SSH1: variants seen among roughly 807,000 people sequenced by gnomAD.
SSH1 encodes the protein protein phosphatase Slingshot homolog 1.
SSH1 carries 43 observed loss-of-function variants against 79.7 expected under a neutral mutation model. The observed-to-expected ratio is 0.54, with a 90% CI of 0.42 to 0.70. SSH1 has a LOEUF of 0.70. SSH1 is among the 30% of genes least tolerant of loss of function. The pLI, the probability that SSH1 is intolerant of heterozygous loss-of-function variation, is 0.00. For synonymous variants in SSH1, 599 were observed against 538.3 expected, an observed-to-expected ratio of 1.11 and a Z score of -1.56; for missense variants, 1,206 against 1,358.8, an observed-to-expected ratio of 0.89 and a Z score of 1.77.
chr12:108,820,187 A>C (rs145291748), intron 3 of SSH1, among the ~76,000 whole-genome samples: 1 of 152,242 alleles, frequency 6.6e-6, no homozygotes, highest in East Asian at 1.9e-4. Flanking sequence ...CCAATTAAGC[A>C]TTCTTTCCAC....
At position 108,857,526 on chromosome 12, in the gene SSH1, A is replaced by G; in HGVS notation, c.-30T>C. 1.8e-6 allele frequency: 2 copies of G among 1,111,324 alleles called. No homozygotes were observed. The highest frequency in any genetic ancestry group is 3.8e-5 in the South Asian group (2 of 52,652). 68.8% of individuals were successfully genotyped at this position (1,111,324 alleles called of 1,614,324 possible). ...GCGGCGCGGTGCGAGGGCGCCACAG[A>G]CGTCTCGAGCTAGAGCCGCCACCGC... On this transcript the variant is annotated 5_prime_UTR_variant, in exon 1 of 15. Transcript: ENST00000326495. The surrounding 1 kb of genome is among the most constrained non-coding windows in gnomAD (Gnocchi z 4.7).
chr12:108,794,706 C>A (rs2036666935), intron 13 of SSH1, among the ~76,000 whole-genome samples: 1 of 152,138 alleles, frequency 6.6e-6, no homozygotes, highest in Non-Finnish European at 1.5e-5. Context: ...ATTTTGATTC[C>A]TAAATAAGAT....
Position 108,789,002 on chromosome 12 carries a change from G to C in SSH1, c.2136C>G (p.Pro712=). The C allele has an allele frequency of 6.2e-7, 1 of 1,609,862 alleles. No homozygotes were observed. The highest frequency in any genetic ancestry group is 2.2e-5 in the East Asian group (1 of 44,732). Residue 712 remains proline (P), a synonymous_variant, in exon 15 of 15, where the codon CCC becomes CCG. Coordinates refer to ENST00000326495, the MANE Select transcript of SSH1 (RefSeq NM_018984.4). ...EKPASGPTEP[P]PFLPPAGSRR... ...TGGAGCCTGCTGGTGGTAGGAACGG[G>C]GGAGGTTCGGTTGGGCCAGAGGCTG...
chr12:108,827,469 G>A, intron 2 of SSH1: 2 of 1,297,758 alleles, frequency 1.5e-6, no homozygotes, highest in Non-Finnish European at 2.0e-6. Flanking sequence ...GGGCTGGGGA[G>A]CCAACTCCTC....
In SSH1 at chr12:108,785,492, A is replaced by C. The variant is rs778198328; in HGVS notation, c.*2496T>G. The stretch of plus-strand genomic sequence containing the variant: ...CAACTGATCTGGGTTTCCAAAAATA[A>C]ACCTTACCCTTTTCTCCAGGCCAGG... On this transcript the variant is annotated 3_prime_UTR_variant, in exon 15 of 15. Coordinates refer to ENST00000326495, the MANE Select transcript of SSH1 (RefSeq NM_018984.4). 6.6e-6 allele frequency: 1 copy of C among 152,176 alleles called. No individual in the cohort carries two copies. Among genetic ancestry groups the C allele is most frequent in the Non-Finnish European group, 1.5e-5 (1 of 68,052 alleles). 9.4% of individuals were successfully genotyped at this position (152,176 alleles called of 1,614,324 possible).
In SSH1 at chr12:108,786,915, T is replaced by G. The variant is rs1351631587; in HGVS notation, c.*1073A>C. The G allele has an allele frequency of 1.3e-5, 2 of 152,300 alleles. No homozygotes were observed. Among genetic ancestry groups the G allele is most frequent in the Non-Finnish European group, 2.9e-5 (2 of 68,116 alleles). The allele number at this position is 152,300 out of a possible 1,614,324, so 9.4% of individuals were successfully genotyped here. ...GACTACAGATCCCTCTTATACTCCC[T>G]CACTGCTGCTGGGAAGAGCTGGAGG... On this transcript the variant is annotated 3_prime_UTR_variant, in exon 15 of 15. Coordinates refer to ENST00000326495, the MANE Select transcript of SSH1 (RefSeq NM_018984.4).
intron 13 of SSH1, among the ~76,000 whole-genome samples, chr12:108,793,739 C>T (rs774589791): frequency 2.6e-5 from 4 of 152,080 alleles, no homozygotes; most frequent in African/African-American, 4.8e-5. Context: ...AAAAAGTTTA[C>T]GGTGAAATAA....
chr12:108,847,289 G>A (rs1039952024), intron 2 of SSH1, among the ~76,000 whole-genome samples: 1 of 152,186 alleles, frequency 6.6e-6, no homozygotes, highest in East Asian at 1.9e-4. Context: ...GACCCACAGA[G>A]CTGTAAGAAC....
At chr12:108,826,356 G>T in intron 2 of SSH1, 2 of 334,172 alleles carry the variant, frequency 6.0e-6, no homozygotes, top group Non-Finnish European at 1.2e-5. Flanking sequence ...TGGGGCCCTG[G>T]AACACTCTGC....
At chr12:108,824,179 T>A (rs2038228211) in intron 2 of SSH1, among the ~76,000 whole-genome samples, 2 of 152,178 alleles carry the variant, frequency 1.3e-5, no homozygotes, top group South Asian at 4.1e-4. Context: ...GCCGGGTGGC[T>A]CAAGCCTGTA....
At chr12:108,852,780 A>G in intron 1 of SSH1, 102 bp from the exon 2 acceptor site, 1 of 1,601,552 alleles carries the variant, frequency 6.2e-7, no homozygotes, top group Non-Finnish European at 8.5e-7. Context: ...AAAGATAAAG[A>G]TATCCAGGAA....
At chr12:108,808,925 C>T (rs2037430906) in intron 7 of SSH1, among the ~76,000 whole-genome samples, 1 of 147,196 alleles carries the variant, frequency 6.8e-6, no homozygotes, top group Admixed American at 6.9e-5. Flanking sequence ...CCTCCATGTC[C>T]TGGGTTCAAC....
At chr12:108,815,934 A>G (rs778015535) in intron 5 of SSH1, among the ~76,000 whole-genome samples, 3 of 152,202 alleles carry the variant, frequency 2.0e-5, no homozygotes, top group Non-Finnish European at 4.4e-5. Flanking sequence ...GACTTACAGA[A>G]GCTCTCATGG....
chr12:108,845,084 C>G (rs1486671897), intron 2 of SSH1, among the ~76,000 whole-genome samples: 2 of 150,818 alleles, frequency 1.3e-5, no homozygotes, highest in Non-Finnish European at 2.9e-5. Context: ...CAGGGTACAC[C>G]TACAGTCCCA....
In SSH1 at chr12:108,823,267, T is replaced by G; in HGVS notation, c.205A>C (p.Lys69Gln). Residue 69 changes from lysine (K) to glutamine (Q), a missense_variant, in exon 3 of 15, where the codon AAG becomes CAG. Lys to Gln is a moderately conservative substitution (Grantham distance 53). Transcript: ENST00000326495. ...AACTTAGAGCCCTCACCTGCATGCT[T>G]GTGGGGGTGCTGAAGACTCCGCTGG... ...QGQRSLQHPHKHAGDLPQHLQ... is the reference protein window; with the variant it reads ...QGQRSLQHPHQHAGDLPQHLQ... The G allele has an allele frequency of 6.3e-7, 1 of 1,584,150 alleles. No homozygotes were observed. The highest frequency in any genetic ancestry group is 1.2e-5 in the South Asian group (1 of 86,756).
chr12:108,813,032 A>T (rs886101430), intron 5 of SSH1, among the ~76,000 whole-genome samples: 8 of 151,718 alleles, frequency 5.3e-5, no homozygotes, highest in East Asian at 1.9e-4. Context: ...CCAGCTTTTT[A>T]AAAAAAACTT....
At chr12:108,841,510 T>A (rs1344544317) in intron 2 of SSH1, among the ~76,000 whole-genome samples, 4 of 151,908 alleles carry the variant, frequency 2.6e-5, no homozygotes, top group African/African-American at 7.3e-5. Context: ...GTTTTCTAAT[T>A]AAAAAAAATA....
chr12:108,843,169 G>C (rs1224248196), intron 2 of SSH1, among the ~76,000 whole-genome samples: 6 of 152,126 alleles, frequency 3.9e-5, no homozygotes, highest in Non-Finnish European at 5.9e-5. Context: ...AAAAATATTT[G>C]TTGAATGAAT....
intron 14 of SSH1, among the ~76,000 whole-genome samples, chr12:108,789,732 A>G (rs781045698): frequency 4.6e-5 from 7 of 152,134 alleles, no homozygotes; most frequent in Non-Finnish European, 8.8e-5. Flanking sequence ...GACCAGCCAG[A>G]GAGAGCAGCA....
Sources: allele counts gnomAD v4.1 joint callset (sites outside exome capture counted in the v4.1 genomes callset), GRCh38; gene constraint gnomAD v4.1.1; non-coding constraint Gnocchi (gnomAD v3.1); transcripts MANE v1.5; gene names NCBI Gene and HGNC (gene_info 2026-07-23, HGNC 2026-07-21).